The following CMPK2 variants were observed in gnomAD, a reference collection of about 807,000 sequenced individuals.
The protein encoded by CMPK2 is UMP-CMP kinase 2, mitochondrial.
In CMPK2, 32 loss-of-function variants were observed where a neutral mutation model predicts 33.4. That is an observed-to-expected ratio of 0.96 (90% CI 0.72 to 1.29). The LOEUF (loss-of-function observed/expected upper bound fraction) is 1.29, where lower values mean the gene tolerates loss of function less well. CMPK2 is among the 50% of genes most tolerant of loss of function. The pLI is 0.00. For missense variants in CMPK2, 672 were observed against 616.0 expected (o/e 1.09, Z -0.96); for synonymous variants, 299 against 275.3 (o/e 1.09, Z -0.85).
chr2:6,862,549 CA>C (rs1662913563), intron 2 of CMPK2, among the ~76,000 whole-genome samples: 1 of 152,200 alleles, frequency 6.6e-6, no homozygotes. Context: ...AATAAATGAT[CA>C]ACAAAACACA....
chr2:6,861,258 AAAAGC>A lies in CMPK2; in HGVS notation c.913_917del (p.Ala305LeufsTer14). The A allele has an allele frequency of 6.2e-7, 1 of 1,614,098 alleles. No individual in the cohort carries two copies. Among genetic ancestry groups the A allele is most frequent in the East Asian group, 2.2e-5 (1 of 44,870 alleles). On this transcript the variant is annotated frameshift_variant, in exon 3 of 5. Coordinates refer to ENST00000256722, the MANE Select transcript of CMPK2 (RefSeq NM_207315.4). LOFTEE classifies it high-confidence loss of function. ...CCACAATATAATTGCCCAAAGAGTA[AAAAGC>A]TCTTCTAATGATAGTTGGTTCATCA...
chr2:6,850,001 G>C (rs758927892), intron 4 of CMPK2, 28 bp from the exon 5 acceptor site: 1 of 1,562,180 alleles, frequency 6.4e-7, no homozygotes, highest in South Asian at 1.1e-5. Context: ...ACAAAGAGTT[G>C]GTCTACTTTT....
At chr2:6,842,803 T>C (rs761547668) in intron 3 of CMPK2, among the ~76,000 whole-genome samples, 10 of 152,106 alleles carry the variant, frequency 6.6e-5, no homozygotes, top group Non-Finnish European at 1.3e-4. Flanking sequence ...AAAATCCTCT[T>C]AGCTGTTTGA....
Position 6,865,529 on chromosome 2 carries a change from G to A in CMPK2, c.168C>T (p.Asp56=), listed in dbSNP as rs1663049689. ...GCGCCGCCAGGCGGGGGTCGGGGGC[G>A]TCTGCGTCGCCGGGGGCGTCGGCGC... ...ALGADAPGDA[D]APDPRLAALL... Residue 56 remains aspartate (D), a synonymous_variant, in exon 1 of 5, where the codon GAC becomes GAT. Coordinates refer to ENST00000256722, the MANE Select transcript of CMPK2 (RefSeq NM_207315.4). 1 of 1,296,754 alleles carries A rather than the reference G, an allele frequency of 7.7e-7. No homozygotes were observed. The highest frequency in any genetic ancestry group is 9.7e-7 in the Non-Finnish European group (1 of 1,027,904). 80.3% of individuals were successfully genotyped at this position (1,296,754 alleles called of 1,614,324 possible). A position where few individuals can be genotyped will look rare whatever the true frequency, so the allele number is the denominator to read the frequency against.
intron 3 of CMPK2, among the ~76,000 whole-genome samples, chr2:6,859,231 T>C (rs993932070): frequency 6.6e-6 from 1 of 152,176 alleles, no homozygotes; most frequent in Non-Finnish European, 1.5e-5. Context: ...GGTTTTAAAA[T>C]GGAAACAGAG....
chr2:6,856,892 T>C (rs543733340), intron 3 of CMPK2, among the ~76,000 whole-genome samples: 1 of 152,354 alleles, frequency 6.6e-6, no homozygotes, highest in African/African-American at 2.4e-5. Flanking sequence ...TGCTGGTATT[T>C]ATTTATGCTT....
chr2:6,859,167 A>T (rs2103225176), intron 3 of CMPK2, among the ~76,000 whole-genome samples: 1 of 152,306 alleles, frequency 6.6e-6, no homozygotes, highest in South Asian at 2.1e-4. Context: ...GGTGGAAGAA[A>T]TTTCTAAGCA....
chr2:6,864,101 C>G (rs1021030099), intron 1 of CMPK2, among the ~76,000 whole-genome samples: 16 of 152,212 alleles, frequency 1.1e-4, no homozygotes, highest in African/African-American at 3.6e-4. Context: ...ACTGCACGCT[C>G]ACAGCATCTC....
At chr2:6,855,069 C>T (rs543688465) in intron 3 of CMPK2, among the ~76,000 whole-genome samples, 2 of 151,820 alleles carry the variant, frequency 1.3e-5, no homozygotes, top group South Asian at 4.2e-4. Flanking sequence ...TTTGTCCCCA[C>T]CAAAATCTCA....
chr2:6,854,123 C>CA lies in CMPK2; in HGVS notation c.993-2441dup, dbSNP rs537284313. On this transcript the variant is annotated intron_variant, in intron 3 of 4. Transcript: ENST00000256722. ...CCAGATGAATTTTGTCCCTCAAGCT[C>CA]AAAAAAAGCCAATTAGGGTCTCAGT... Among the ~76,000 whole-genome samples the CA allele has an allele frequency of 1.7e-3, 260 of 152,068 alleles. 1 individual carries two copies. Among genetic ancestry groups the CA allele is most frequent in the South Asian group, 4.8e-3 (23 of 4,824 alleles).
upstream of CMPK2, chr2:6,866,136 G>T (rs980077231): frequency 1.8e-5 from 4 of 216,894 alleles, no homozygotes; most frequent in South Asian, 2.0e-4. Context: ...ATGGAGGGGG[G>T]CGGGGGTGCA....
intron 3 of CMPK2, among the ~76,000 whole-genome samples, chr2:6,853,729 C>T (rs553890809): frequency 2.0e-5 from 3 of 151,960 alleles, no homozygotes; most frequent in East Asian, 1.9e-4. Flanking sequence ...GGTGAAACCC[C>T]GTCTTTACTA....
chr2:6,842,009 C>A (rs538700010), intron 3 of CMPK2, among the ~76,000 whole-genome samples: 1 of 152,166 alleles, frequency 6.6e-6, no homozygotes, highest in East Asian at 1.9e-4. Flanking sequence ...CTCATGACAG[C>A]AATTAACTCA....
intron 3 of CMPK2, among the ~76,000 whole-genome samples, chr2:6,855,338 C>T (rs62108092): frequency 1.4e-5 from 2 of 142,298 alleles, no homozygotes; most frequent in Admixed American, 7.2e-5. Flanking sequence ...TGCCCCTGCC[C>T]CTGCCTCTCT....
Position 6,849,386 on chromosome 2 carries a change from A to T in CMPK2, c.*464T>A. On this transcript the variant is annotated 3_prime_UTR_variant, in exon 5 of 5. Coordinates refer to ENST00000256722, the MANE Select transcript of CMPK2 (RefSeq NM_207315.4). ...GGACTGAGGGAGATGCAGCGAGCCC[A>T]TCATGACGAGTGCAACCAGATGTGG... 1 of 988,368 alleles carries T rather than the reference A, an allele frequency of 1.0e-6. No homozygotes were observed. Among genetic ancestry groups the T allele is most frequent in the Non-Finnish European group, 1.2e-6 (1 of 832,062 alleles). 61.2% of individuals were successfully genotyped at this position (988,368 alleles called of 1,614,324 possible).
intron 3 of CMPK2, among the ~76,000 whole-genome samples, chr2:6,856,207 C>T (rs149400667): frequency 1.3e-5 from 2 of 152,214 alleles, no homozygotes; most frequent in Non-Finnish European, 2.9e-5. Context: ...ACCAAAAATG[C>T]ATAAAATTTA....
downstream of CMPK2, among the ~76,000 whole-genome samples, chr2:6,844,916 G>A (rs770661627): frequency 2.0e-5 from 3 of 152,196 alleles, no homozygotes; most frequent in Non-Finnish European, 4.4e-5. Context: ...CACAACCAGA[G>A]GAACTAATGA....
chr2:6,848,163 T>G (rs1233000661), downstream of CMPK2: 1 of 157,892 alleles, frequency 6.3e-6, no homozygotes, highest in Non-Finnish European at 1.4e-5. Context: ...CCCCTTTCTC[T>G]GAAAGCACTC....
At chr2:6,864,561 G>C (rs991485940) in intron 1 of CMPK2, 1 of 153,964 alleles carries the variant, frequency 6.5e-6, no homozygotes, top group African/African-American at 2.4e-5. Context: ...GCAAAACTTA[G>C]AGTAGTTGAG....
Sources: gnomAD v4.1 joint callset for allele counts (sites outside exome capture counted in the v4.1 genomes callset) on GRCh38, gnomAD v4.1.1 for gene constraint, MANE v1.5 for transcripts, NCBI Gene and HGNC (gene_info 2026-07-23, HGNC 2026-07-21) for gene names.